HAT1: variants seen among roughly 807,000 people sequenced by gnomAD.
HAT1 encodes the protein histone acetyltransferase type B catalytic subunit.
Under a neutral mutation model 56.6 loss-of-function variants are expected in HAT1, and 20 were observed. The observed-to-expected ratio is 0.35, with a 90% CI of 0.25 to 0.51. The LOEUF (loss-of-function observed/expected upper bound fraction) is 0.51. HAT1 is among the 20% of genes least tolerant of loss of function. The probability of loss-of-function intolerance (pLI) is 0.95; values close to 1 mark genes in which losing one functional copy is unlikely to be tolerated. For missense variants in HAT1, 408 were observed against 504.3 expected (o/e 0.81, Z 1.83); for synonymous variants, 146 against 165.5 (o/e 0.88, Z 0.91).
chr2:171,953,441 G>A lies in HAT1; in HGVS notation c.309+440G>A, dbSNP rs1240018918. ...TGTGCCTATAATGCCAGTGCTTTTG[G>A]AGGCTGAAGTGGGAGGATCTCAAGC... On this transcript the variant is annotated intron_variant, in intron 4 of 10. Transcript: ENST00000264108. 2.6e-5 allele frequency among the ~76,000 whole-genome samples: 4 copies of A among 151,874 alleles called. No homozygotes were observed. The East Asian group carries it at 7.8e-4, about 29-fold the overall frequency.
intron 10 of HAT1, among the ~76,000 whole-genome samples, chr2:171,981,063 C>T (rs565984143): frequency 8.6e-5 from 13 of 150,448 alleles, no homozygotes; most frequent in Admixed American, 2.0e-4. Context: ...CCAGCTTCTC[C>T]GGAGGCTGAG....
intron 10 of HAT1, 105 bp downstream of exon 10, chr2:171,979,468 A>G: frequency 1.5e-6 from 1 of 666,366 alleles, no homozygotes; most frequent in East Asian, 2.7e-5. Context: ...ATTTTGTAAA[A>G]TTAACTTTTA....
At chr2:171,966,120 G>T in intron 6 of HAT1, 1 of 588,718 alleles carries the variant, frequency 1.7e-6, no homozygotes, top group South Asian at 2.2e-5. Context: ...GGCCCTGAAT[G>T]TAGGCTTAAA....
intron 3 of HAT1, 122 bp from the exon 4 acceptor site, chr2:171,952,754 ATTTTT>A: frequency 1.0e-5 from 5 of 495,500 alleles, no homozygotes; most frequent in Non-Finnish European, 1.8e-5. Context: ...TTTATTGTAG[ATTTTT>A]TTTTTAAGTA....
chr2:171,976,077 A>G (rs916668770), intron 8 of HAT1, 80 bp from the exon 9 acceptor site: 2 of 787,488 alleles, frequency 2.5e-6, no homozygotes, highest in African/African-American at 1.8e-5. Flanking sequence ...AGCCTAGCAT[A>G]TATGTTGAGA....
intron 2 of HAT1, among the ~76,000 whole-genome samples, chr2:171,927,359 A>G (rs1686623798): frequency 6.6e-6 from 1 of 152,228 alleles, no homozygotes; most frequent in Non-Finnish European, 1.5e-5. Context: ...AAATATCAGT[A>G]AAGTGTTTAA....
At chr2:171,966,095 G>A in intron 6 of HAT1, 187 bp downstream of exon 6, 1 of 598,982 alleles carries the variant, frequency 1.7e-6, no homozygotes, top group South Asian at 2.2e-5. Context: ...TGAATTAAAT[G>A]CTGTTGTCCG....
At chr2:171,982,338 T>A (rs1458391489) in intron 10 of HAT1, among the ~76,000 whole-genome samples, 1 of 152,146 alleles carries the variant, frequency 6.6e-6, no homozygotes, top group Non-Finnish European at 1.5e-5. Context: ...ATATTTGCAA[T>A]AATGCCACCC....
intron 2 of HAT1, among the ~76,000 whole-genome samples, chr2:171,932,482 A>G (rs1686772243): frequency 6.6e-6 from 1 of 152,080 alleles, no homozygotes; most frequent in African/African-American, 2.4e-5. Flanking sequence ...TTCTTGTGTC[A>G]GTTTTGGTGA....
intron 4 of HAT1, among the ~76,000 whole-genome samples, chr2:171,954,452 G>T (rs1178536260): frequency 1.3e-5 from 2 of 152,132 alleles, no homozygotes; most frequent in African/African-American, 4.8e-5. Context: ...TTGGGAGGCT[G>T]AGGTGGGCGG....
chr2:171,965,608 G>A (rs1687666082), intron 5 of HAT1, 91 bp downstream of exon 5: 2 of 1,003,046 alleles, frequency 2.0e-6, no homozygotes. Flanking sequence ...TCTAACTGCA[G>A]TAAACAAGTT....
At chr2:171,931,185 G>GT (rs1686736779) in intron 2 of HAT1, among the ~76,000 whole-genome samples, 3 of 151,988 alleles carry the variant, frequency 2.0e-5, no homozygotes, top group South Asian at 2.1e-4. Context: ...GAGCCCAGGA[G>GT]TTTGAGACCA....
rs141364498 is a variant in HAT1 at position 171,958,680 on chromosome 2, A to G, written c.309+5679A>G. On this transcript the variant is annotated intron_variant, in intron 4 of 10. Coordinates refer to ENST00000264108, the MANE Select transcript of HAT1 (RefSeq NM_003642.4). ...AACCCCTTATGGTTAAAAATACCAT[A>G]TTGGTAAGCTTGATGGAATCTGATT... Among the ~76,000 whole-genome samples the G allele has an allele frequency of 7.9e-4, 121 of 152,296 alleles. 2 individuals carry two copies. In the East Asian group the frequency reaches 0.016, roughly 21 times the overall value.
intron 2 of HAT1, among the ~76,000 whole-genome samples, chr2:171,934,938 T>C (rs1233036272): frequency 1.3e-5 from 2 of 151,640 alleles, no homozygotes; most frequent in African/African-American, 4.8e-5. Flanking sequence ...GTATTTTTAG[T>C]AGAGGCGGGG....
In HAT1 at chr2:171,965,470, G is replaced by T. The variant is rs201529930; in HGVS notation, c.442G>T (p.Val148Phe). ...CGGAACCTTACTTCATACCTACTCA[G>T]TTCTCAGTCCAACAGGAGGAGAAAA... ...PFGTLLHTYS[V>F]LSPTGGENFT... Residue 148 changes from valine (V) to phenylalanine (F), a missense_variant, in exon 5 of 11, where the codon GTT becomes TTT. By Grantham distance (50) the Val-to-Phe change is conservative (BLOSUM62 -1). Transcript: ENST00000264108. 6.2e-7 allele frequency: 1 copy of T among 1,607,882 alleles called. No homozygotes were observed. Among genetic ancestry groups the T allele is most frequent in the African/African-American group, 1.3e-5 (1 of 74,880 alleles).
At chr2:171,941,265 T>G (rs1687011721) in intron 2 of HAT1, among the ~76,000 whole-genome samples, 2 of 152,096 alleles carry the variant, frequency 1.3e-5, no homozygotes, top group African/African-American at 2.4e-5. Flanking sequence ...CAGGCTGGAG[T>G]GCAGTGGCGG....
intron 2 of HAT1, among the ~76,000 whole-genome samples, chr2:171,935,732 T>C (rs1486432039): frequency 1.3e-5 from 2 of 151,528 alleles, no homozygotes; most frequent in Non-Finnish European, 2.9e-5. Context: ...AAATATTAGC[T>C]GGGTGTGGAG....
chr2:171,927,982 G>A (rs186247902), intron 2 of HAT1, among the ~76,000 whole-genome samples: 55 of 151,932 alleles, frequency 3.6e-4, no homozygotes, highest in Non-Finnish European at 2.9e-5. Context: ...TGCCTCCTGG[G>A]TTTAAGTGAT....
At chr2:171,936,353 A>C (rs566566679) in intron 2 of HAT1, among the ~76,000 whole-genome samples, 2 of 152,300 alleles carry the variant, frequency 1.3e-5, no homozygotes, top group South Asian at 4.1e-4. Flanking sequence ...AGAGGTCTGT[A>C]AGACAGGAGC....
Sources: gnomAD v4.1 joint callset for allele counts (sites outside exome capture counted in the v4.1 genomes callset) on GRCh38, gnomAD v4.1.1 for gene constraint, MANE v1.5 for transcripts, NCBI Gene and HGNC (gene_info 2026-07-23, HGNC 2026-07-21) for gene names.